BCL2L13: variants seen among roughly 807,000 people sequenced by gnomAD.
BCL2L13 encodes the protein BCL2 like 13, also known as bcl-2-like protein 13.
BCL2L13 carries 13 observed loss-of-function variants against 25.8 expected under a neutral mutation model. The observed-to-expected ratio is 0.50, with a 90% CI of 0.33 to 0.80. The LOEUF (loss-of-function observed/expected upper bound fraction) is 0.80. Ranked by LOEUF, BCL2L13 falls within the 30% of genes least tolerant of loss-of-function variation. The probability of loss-of-function intolerance (pLI) is 0.02; values close to 1 mark genes in which losing one functional copy is unlikely to be tolerated. For missense variants in BCL2L13, 504 were observed against 574.9 expected, an observed-to-expected ratio of 0.88 and a Z score of 1.26; for synonymous variants, 244 against 230.3, an observed-to-expected ratio of 1.06 and a Z score of -0.54.
At chr22:17,666,118 CAT>C (rs1346296534) in intron 2 of BCL2L13, among the ~76,000 whole-genome samples, 2 of 152,134 alleles carry the variant, frequency 1.3e-5, no homozygotes, top group African/African-American at 4.8e-5. Flanking sequence ...TCTTTGCCAA[CAT>C]AGCTATTCTA....
At chr22:17,684,882 G>A (rs533542835) in intron 3 of BCL2L13, among the ~76,000 whole-genome samples, 166 of 151,976 alleles carry the variant, frequency 1.1e-3, no homozygotes, top group African/African-American at 3.4e-3. Flanking sequence ...ACAGGCGCCT[G>A]CCACCACACC....
intron 4 of BCL2L13, among the ~76,000 whole-genome samples, chr22:17,695,330 G>C (rs146809735): frequency 6.6e-6 from 1 of 152,114 alleles, no homozygotes; most frequent in African/African-American, 2.4e-5. Flanking sequence ...GTAACGTTCA[G>C]CCTTCCCTGA....
chr22:17,688,696 A>AATG (rs926221578), intron 3 of BCL2L13, among the ~76,000 whole-genome samples: 1 of 152,092 alleles, frequency 6.6e-6, no homozygotes, highest in Non-Finnish European at 1.5e-5. Flanking sequence ...AGTGGCTTGT[A>AATG]ATGATTAGCT....
intron 6 of BCL2L13, chr22:17,706,950 T>A: frequency 1.5e-6 from 1 of 685,170 alleles, no homozygotes; most frequent in Non-Finnish European, 2.2e-6. Context: ...ATTTAAGTAT[T>A]TTGAATAAAA....
intron 4 of BCL2L13, among the ~76,000 whole-genome samples, chr22:17,690,182 T>C (rs2060063784): frequency 6.6e-6 from 1 of 151,686 alleles, no homozygotes; most frequent in Non-Finnish European, 1.5e-5. Context: ...AAAAATTAGC[T>C]GAGCATGGTG....
intron 2 of BCL2L13, among the ~76,000 whole-genome samples, chr22:17,668,656 G>C (rs1032833669): frequency 1.2e-4 from 18 of 151,856 alleles, no homozygotes; most frequent in Non-Finnish European, 1.5e-5. Flanking sequence ...TAGTAGAGAT[G>C]GGGTTTCACC....
chr22:17,664,274 C>T (rs1387712233), intron 2 of BCL2L13, among the ~76,000 whole-genome samples: 4 of 152,310 alleles, frequency 2.6e-5, no homozygotes, highest in East Asian at 3.9e-4. Flanking sequence ...TGTGAGCCAC[C>T]GTGCCCAGCT....
Position 17,660,416 on chromosome 22 carries a change from C to CTGAT in BCL2L13, c.121+4604_121+4607dup, listed in dbSNP as rs371070693. ...TCAGATTGGTTTATTTCTACACTTACTGATTGATTGATTGATTGATTGAGG... is the reference window on the plus strand; with the variant it reads ...TCAGATTGGTTTATTTCTACACTTACTGATTGATTGATTGATTGATTGATTGAGG... On this transcript the variant is annotated intron_variant, in intron 2 of 6. Coordinates refer to ENST00000317582, the MANE Select transcript of BCL2L13 (RefSeq NM_015367.4). Among the ~76,000 whole-genome samples the CTGAT allele has an allele frequency of 2.1e-3, 305 of 145,662 alleles. 39 individuals carry two copies. Among genetic ancestry groups the CTGAT allele is most frequent in the South Asian group, 4.9e-3 (23 of 4,702 alleles).
upstream of BCL2L13, chr22:17,638,097 C>T (rs923430031): frequency 6.6e-6 from 1 of 152,208 alleles, no homozygotes; most frequent in African/African-American, 2.4e-5. Flanking sequence ...TATCCTCTCT[C>T]CTAGATACCT....
At chr22:17,664,550 G>C (rs192957214) in intron 2 of BCL2L13, among the ~76,000 whole-genome samples, 2 of 152,208 alleles carry the variant, frequency 1.3e-5, no homozygotes, top group Non-Finnish European at 2.9e-5. Flanking sequence ...CCACTAGGCA[G>C]TGCCTCAGTG....
intron 3 of BCL2L13, 101 bp downstream of exon 3, chr22:17,683,422 AACAACTT>A: frequency 1.5e-6 from 1 of 651,364 alleles, no homozygotes; most frequent in Non-Finnish European, 2.6e-6. Flanking sequence ...CTCAACAGTT[AACAACTT>A]ACACCAATTA....
intron 6 of BCL2L13, among the ~76,000 whole-genome samples, chr22:17,705,949 C>T (rs553534168): frequency 6.6e-6 from 1 of 152,292 alleles, no homozygotes; most frequent in South Asian, 2.1e-4. Context: ...CAGTTAGGAA[C>T]AGGCAGGCTT....
intron 1 of BCL2L13, among the ~76,000 whole-genome samples, chr22:17,644,198 C>CT (rs1473770326): frequency 1.3e-5 from 2 of 151,418 alleles, no homozygotes; most frequent in African/African-American, 4.9e-5. Flanking sequence ...GCATGAGCAA[C>CT]TTTGCCTGGT....
intron 2 of BCL2L13, among the ~76,000 whole-genome samples, chr22:17,671,482 G>A (rs904501370): frequency 6.6e-6 from 1 of 150,544 alleles, no homozygotes; most frequent in Admixed American, 6.6e-5. Flanking sequence ...CAGGGGAATC[G>A]CTTGAACCTG....
chr22:17,652,414 T>G (rs2058717153), intron 1 of BCL2L13, among the ~76,000 whole-genome samples: 1 of 152,100 alleles, frequency 6.6e-6, no homozygotes, highest in African/African-American at 2.4e-5. Context: ...TAACAACTAT[T>G]TTATGTAAAG....
chr22:17,699,020 A>T (rs2060353758), intron 5 of BCL2L13, among the ~76,000 whole-genome samples: 1 of 152,292 alleles, frequency 6.6e-6, no homozygotes, highest in East Asian at 1.9e-4. Context: ...TATCACTGAG[A>T]TGTCACTTAA....
intron 1 of BCL2L13, among the ~76,000 whole-genome samples, chr22:17,641,413 C>T (rs962114159): frequency 2.6e-5 from 4 of 151,914 alleles, no homozygotes; most frequent in Admixed American, 6.6e-5. Flanking sequence ...CTTCCTCAGA[C>T]GGTAATGTGC....
chr22:17,681,270 G>T (rs1464728040), intron 2 of BCL2L13, among the ~76,000 whole-genome samples: 2 of 152,108 alleles, frequency 1.3e-5, no homozygotes, highest in Non-Finnish European at 2.9e-5. Flanking sequence ...ACTTTGGGAG[G>T]CCGAGGCAGG....
chr22:17,680,688 C>CGT (rs1223928578), intron 2 of BCL2L13, among the ~76,000 whole-genome samples: 1 of 151,888 alleles, frequency 6.6e-6, no homozygotes, highest in African/African-American at 2.4e-5. Context: ...AGCATCACTA[C>CGT]GTGTGTGGGG....
Sources: gnomAD v4.1 joint callset for allele counts (sites outside exome capture counted in the v4.1 genomes callset) on GRCh38, gnomAD v4.1.1 for gene constraint, MANE v1.5 for transcripts, NCBI Gene and HGNC (gene_info 2026-07-23, HGNC 2026-07-21) for gene names.